The following POR variants were observed in gnomAD, a reference collection of about 807,000 sequenced individuals.
POR encodes NADPH--cytochrome P450 reductase.
POR carries 56 observed loss-of-function variants against 84.0 expected under a neutral mutation model. That is an observed-to-expected ratio of 0.67 (90% CI 0.54 to 0.83). The LOEUF is 0.83. Ranked by LOEUF, POR falls within the 40% of genes least tolerant of loss-of-function variation. The pLI, the probability that POR is intolerant of heterozygous loss-of-function variation, is 0.00. For synonymous variants in POR, 414 were observed against 400.5 expected, an observed-to-expected ratio of 1.03 and a Z score of -0.40; for missense variants, 938 against 944.3, an observed-to-expected ratio of 0.99 and a Z score of 0.09.
intron 2 of POR, among the ~76,000 whole-genome samples, chr7:75,955,875 C>T (rs971376096): frequency 5.3e-5 from 8 of 152,206 alleles, no homozygotes; most frequent in African/African-American, 1.2e-4. Flanking sequence ...CATCAAATCC[C>T]GATTCCCTAT....
At chr7:75,972,048 C>T (rs1788468104) in intron 2 of POR, among the ~76,000 whole-genome samples, 1 of 152,090 alleles carries the variant, frequency 6.6e-6, no homozygotes, top group African/African-American at 2.4e-5. Context: ...CCGTGGGGAC[C>T]TGGGCTGTGG....
chr7:75,955,873 C>A (rs1475223656), intron 2 of POR, among the ~76,000 whole-genome samples: 1 of 152,184 alleles, frequency 6.6e-6, no homozygotes, highest in Non-Finnish European at 1.5e-5. Context: ...CACATCAAAT[C>A]CCGATTCCCT....
intron 1 of POR, among the ~76,000 whole-genome samples, chr7:75,945,852 C>G (rs541472082): frequency 6.6e-6 from 1 of 152,054 alleles, no homozygotes; most frequent in Non-Finnish European, 1.5e-5. Flanking sequence ...ATCTTTTTTA[C>G]GGACCAGAAG....
At chr7:75,977,993 A>C (rs1788775942) in intron 3 of POR, among the ~76,000 whole-genome samples, 1 of 152,148 alleles carries the variant, frequency 6.6e-6, no homozygotes, top group East Asian at 1.9e-4. Flanking sequence ...CAGGCTTTTC[A>C]ACAGCTGCTG....
chr7:75,983,416 A>G (rs1485716359), intron 8 of POR, 104 bp from the exon 9 acceptor site: 4 of 765,254 alleles, frequency 5.2e-6, no homozygotes, highest in Non-Finnish European at 9.0e-6. Context: ...CCTCATGGAG[A>G]TCTCTGAGAT....
At chr7:75,917,466 G>A (rs1417215314) in intron 1 of POR, among the ~76,000 whole-genome samples, 4 of 146,826 alleles carry the variant, frequency 2.7e-5, no homozygotes, top group Non-Finnish European at 4.5e-5. Flanking sequence ...GCCCCTACAA[G>A]AGCTTCGATG....
intron 2 of POR, among the ~76,000 whole-genome samples, chr7:75,955,103 G>A (rs112610755): frequency 0.08 from 12,173 of 152,168 alleles, 1,479 homozygotes; most frequent in African/African-American, 0.26. Flanking sequence ...TGGTCTCCCA[G>A]AGTGTCGGGA....
intron 1 of POR, chr7:75,946,655 G>C (rs782818903): frequency 2.8e-4 from 43 of 152,440 alleles, no homozygotes; most frequent in Admixed American, 6.5e-4. Context: ...TGGGGTCCCA[G>C]CCAGCTGGTG....
chr7:75,939,266 CTG>C (rs1458224968), intron 1 of POR, among the ~76,000 whole-genome samples: 2 of 152,270 alleles, frequency 1.3e-5, no homozygotes, highest in Non-Finnish European at 2.9e-5. Flanking sequence ...GCTTTCCAGA[CTG>C]TAAGCTCTGT....
intron 2 of POR, among the ~76,000 whole-genome samples, chr7:75,960,556 C>T (rs1787891575): frequency 6.6e-6 from 1 of 152,060 alleles, no homozygotes; most frequent in Admixed American, 6.5e-5. Context: ...AGCAGTCTCC[C>T]TGCCTCAGCC....
intron 1 of POR, among the ~76,000 whole-genome samples, chr7:75,942,131 G>C (rs537875868): frequency 2.6e-5 from 4 of 152,204 alleles, no homozygotes; most frequent in African/African-American, 9.6e-5. Flanking sequence ...GGAGACTGAG[G>C]TGGGAGGATC....
intron 1 of POR, among the ~76,000 whole-genome samples, chr7:75,941,749 G>A (rs540533453): frequency 2.0e-5 from 3 of 152,288 alleles, no homozygotes; most frequent in Non-Finnish European, 4.4e-5. Context: ...AGGCCAAGGC[G>A]GGAGAATTGC....
At chr7:75,953,407 A>G (rs1787541220) in intron 1 of POR, among the ~76,000 whole-genome samples, 1 of 151,930 alleles carries the variant, frequency 6.6e-6, no homozygotes, top group Admixed American at 6.6e-5. Context: ...CATTCACCAT[A>G]AATCTCATTG....
intron 1 of POR, among the ~76,000 whole-genome samples, chr7:75,953,340 A>G (rs1585104919): frequency 2.0e-5 from 2 of 101,952 alleles, no homozygotes; most frequent in Admixed American, 2.4e-4. Context: ...AGGGGGAGGG[A>G]CCAGACTTTG....
intron 1 of POR, among the ~76,000 whole-genome samples, chr7:75,938,088 T>C (rs1164407754): frequency 6.6e-6 from 1 of 152,172 alleles, no homozygotes; most frequent in African/African-American, 2.4e-5. Context: ...TCGCCTGCTG[T>C]CCCTCCTGTC....
At chr7:75,980,740 G>A (rs1019086498) in intron 5 of POR, 99 of 1,485,284 alleles carry the variant, frequency 6.7e-5, no homozygotes, top group Non-Finnish European at 8.3e-5. Flanking sequence ...AGGTCTGGCT[G>A]GACGACTGAG....
rs869164954 is a variant in POR, at chr7:75,936,086, CTTTTTTTTTT to C, written c.-4-17889_-4-17880del. On this transcript the variant is annotated intron_variant, in intron 1 of 15. Transcript: ENST00000461988. ...CAGTGTCTTTACTGTTTCTTTCTTT[CTTTTTTTTTT>C]TTTTTTTTTTTTTGAGAGATGGTCT... 2.2e-3 allele frequency among the ~76,000 whole-genome samples: 218 copies of C among 99,776 alleles called. 1 individual carries two copies. Among genetic ancestry groups the C allele is most frequent in the African/African-American group, 8.8e-3 (209 of 23,744 alleles). The allele number at this position is 99,776 out of a possible 152,430, so 65.5% of individuals were successfully genotyped here.
chr7:75,950,510 A>G (rs1187134205), intron 1 of POR, among the ~76,000 whole-genome samples: 2 of 152,066 alleles, frequency 1.3e-5, no homozygotes, highest in Non-Finnish European at 2.9e-5. Context: ...CTGTGTCACC[A>G]TGGCACTCCT....
intron 3 of POR, among the ~76,000 whole-genome samples, chr7:75,973,805 C>T (rs372892494): frequency 3.7e-4 from 56 of 150,812 alleles, no homozygotes; most frequent in African/African-American, 1.1e-3. Flanking sequence ...CATCAGCCTC[C>T]GGAGTAGTTG....
Sources: gnomAD v4.1 joint callset for allele counts (sites outside exome capture counted in the v4.1 genomes callset) on GRCh38, gnomAD v4.1.1 for gene constraint, MANE v1.5 for transcripts, NCBI Gene and HGNC (gene_info 2026-07-23, HGNC 2026-07-21) for gene names.